VWF: variants seen among roughly 807,000 people sequenced by gnomAD.
VWF encodes the protein von Willebrand factor, also known as Factor VIII related antigen.
Under a neutral mutation model 308.6 loss-of-function variants are expected in VWF, and 176 were observed. The observed-to-expected ratio is 0.57, with a 90% CI of 0.50 to 0.65. VWF has a LOEUF of 0.65. Ranked by LOEUF, VWF falls within the 30% of genes least tolerant of loss-of-function variation. The probability of loss-of-function intolerance (pLI) is 0.00; values close to 1 mark genes in which losing one functional copy is unlikely to be tolerated. For missense variants in VWF, 3,146 were observed against 3,648.2 expected (o/e 0.86, Z 3.55); for synonymous variants, 1,385 against 1,443.4 (o/e 0.96, Z 0.92).
At chr12:6,079,671 A>G (rs897119581) in intron 6 of VWF, among the ~76,000 whole-genome samples, 2 of 151,996 alleles carry the variant, frequency 1.3e-5, no homozygotes, top group Admixed American at 6.5e-5. Flanking sequence ...GGCTCGTGGC[A>G]GAGACACTGG....
rs901997606 is a variant in VWF, at chr12:5,983,096, C to G, written c.7081+54G>C. 3.8e-6 allele frequency: 6 copies of G among 1,563,702 alleles called. No homozygotes were observed. The Admixed American group carries it at 1.1e-4, about 28-fold the overall frequency. ...GAGGTCCCTGAGGAGGATGGCCTCCCTCACACCAGCAGAGAGAGGCCACAC... is the reference window on the plus strand; with the variant it reads ...GAGGTCCCTGAGGAGGATGGCCTCCGTCACACCAGCAGAGAGAGGCCACAC... On this transcript the variant is annotated intron_variant, in intron 41 of 51. Coordinates refer to ENST00000261405, the MANE Select transcript of VWF (RefSeq NM_000552.5).
chr12:6,022,083 C>T (rs368076194), intron 26 of VWF, 48 bp from the exon 27 acceptor site: 320 of 1,612,904 alleles, frequency 2.0e-4, no homozygotes, highest in Non-Finnish European at 2.5e-4. Context: ...CCCTTTCCCA[C>T]GAGGAAGCCT....
chr12:6,052,780 A>G lies in VWF; in HGVS notation c.1949T>C (p.Leu650Pro). Reference protein sequence around the residue: ...VAWREPGRCELNCPKGQVYLQ... With the variant: ...VAWREPGRCEPNCPKGQVYLQ... The stretch of plus-strand genomic sequence containing the variant: ...GTACACCTGGCCTTTCGGGCAGTTC[A>G]GCTCTAGAAGAGAGAGGAGAAGTAA... Residue 650 changes from leucine (L) to proline (P), a missense_variant, in exon 16 of 52, where the codon CTG (leucine) becomes CCG (proline). Leu to Pro is a moderately conservative substitution (Grantham distance 98, BLOSUM62 -3). Around this residue, in one of 3 missense-constraint regions of VWF, gnomAD observed 1,304 missense variants for 1,353.0 expected, o/e 0.96. Coordinates refer to ENST00000261405, the MANE Select transcript of VWF (RefSeq NM_000552.5). The G allele has an allele frequency of 1.9e-6, 3 of 1,557,930 alleles. No homozygotes were observed. The highest frequency in any genetic ancestry group is 2.6e-6 in the Non-Finnish European group (3 of 1,158,776).
At chr12:6,122,982 AGG>A in intron 2 of VWF, 158 bp downstream of exon 2, 1 of 872,172 alleles carries the variant, frequency 1.1e-6, no homozygotes, top group Non-Finnish European at 2.0e-6. Context: ...ATACAAGTCA[AGG>A]GTGGGAACTC....
In VWF at chr12:5,990,904, AAAAAT is replaced by A. The variant is rs1413435307; in HGVS notation, c.6798+910_6798+914del. Among the ~76,000 whole-genome samples, 276 of 41,222 alleles carry A rather than the reference AAAAAT, an allele frequency of 6.7e-3. 32 individuals carry two copies. The highest frequency in any genetic ancestry group is 0.019 in the African/African-American group (261 of 13,962). The allele number at this position is 41,222 out of a possible 152,430, so 27.0% of individuals were successfully genotyped here. ...AAAAAAAAAAAAAAAAAAAAAAAAA[AAAAAT>A]TTTGATGACTCAGTGACTCCCAAGC... is the stretch of plus-strand genomic sequence containing the variant. On this transcript the variant is annotated intron_variant, in intron 38 of 51. Coordinates refer to ENST00000261405, the MANE Select transcript of VWF (RefSeq NM_000552.5).
chr12:6,113,152 T>G (rs930256391), intron 3 of VWF, among the ~76,000 whole-genome samples: 2 of 152,164 alleles, frequency 1.3e-5, no homozygotes, highest in African/African-American at 4.8e-5. Flanking sequence ...TTGTCCTGTT[T>G]GAGCTGAGGT....
rs200710351 is a variant in VWF, at chr12:6,121,268, G to C, written c.126C>G (p.Phe42Leu). The C allele has an allele frequency of 4.3e-6, 7 of 1,614,232 alleles. No individual in the cohort carries two copies. The African/African-American group carries it at 8.0e-5, about 18-fold the overall frequency. Reference sequence around the variant, plus strand: ...ACATGCTCCCATCAAAGGTGTTGACGAAGTCACTTCCGAAAAGGCTGCATC... The same window carrying C: ...ACATGCTCCCATCAAAGGTGTTGACCAAGTCACTTCCGAAAAGGCTGCATC... ...TARCSLFGSD[F>L]VNTFDGSMYS... Residue 42 changes from phenylalanine to leucine, a missense_variant, in exon 3 of 52, where the codon TTC (phenylalanine) becomes TTG (leucine). This residue lies in a region of VWF where 1,304 missense variants were observed against 1,353.0 expected (regional missense o/e 0.96). Transcript: ENST00000261405.
At chr12:5,972,219 C>T (rs1003652989) in intron 43 of VWF, among the ~76,000 whole-genome samples, 4 of 152,158 alleles carry the variant, frequency 2.6e-5, no homozygotes, top group African/African-American at 9.7e-5. Context: ...TTATAGGGTA[C>T]GGTGTTCTTT....
At chr12:5,998,187 T>A (rs1046123310) in intron 34 of VWF, among the ~76,000 whole-genome samples, 1 of 151,958 alleles carries the variant, frequency 6.6e-6, no homozygotes, top group African/African-American at 2.4e-5. Context: ...AAGTGGGCCC[T>A]AATACTTCAG....
At chr12:6,057,731 T>G in intron 14 of VWF, 118 bp downstream of exon 14, 1 of 1,264,114 alleles carries the variant, frequency 7.9e-7, no homozygotes, top group Non-Finnish European at 1.1e-6. Flanking sequence ...GCCCGACCCC[T>G]TTCCTCGCTC....
rs1340380540 is a variant in VWF, at chr12:6,063,190, G to A, written c.1433-136C>T. The A allele has an allele frequency of 8.0e-6, 6 of 749,968 alleles. No homozygotes were observed. Among genetic ancestry groups the A allele is most frequent in the Non-Finnish European group, 1.4e-5 (6 of 434,544 alleles). The allele number at this position is 749,968 out of a possible 1,614,324, so 46.5% of individuals were successfully genotyped here. A position where few individuals can be genotyped will look rare whatever the true frequency, so the allele number is the denominator to read the frequency against. ...GAGCAATGACTTAGGGGCAGATGGG[G>A]TGGCCATGAGGTTTAAGGGGGTGTC... On this transcript the variant is annotated intron_variant, in intron 12 of 51. Transcript: ENST00000261405. This position sits in a 1 kb window ranked among gnomAD's most constrained non-coding sequence, Gnocchi z 4.9.
intron 3 of VWF, among the ~76,000 whole-genome samples, chr12:6,116,571 G>T (rs1246133225): frequency 6.6e-6 from 1 of 152,186 alleles, no homozygotes; most frequent in Non-Finnish European, 1.5e-5. Flanking sequence ...GTTGTTGATG[G>T]CTCTCTCTTG....
chr12:6,032,972 TCACA>T (rs1346491329), intron 20 of VWF, among the ~76,000 whole-genome samples: 95 of 148,790 alleles, frequency 6.4e-4, no homozygotes, highest in Middle Eastern at 7.1e-3. Flanking sequence ...TCATACACAG[TCACA>T]CACACGCACA....
chr12:6,028,596 G>T (rs1050627622), intron 22 of VWF, among the ~76,000 whole-genome samples: 11 of 152,078 alleles, frequency 7.2e-5, no homozygotes, highest in Admixed American at 7.2e-4. Flanking sequence ...GAGAGGGGGG[G>T]ACCAATATTC....
chr12:6,103,943 T>C (rs1228272627), intron 5 of VWF, among the ~76,000 whole-genome samples: 1 of 152,154 alleles, frequency 6.6e-6, no homozygotes. Context: ...AAAAATCTTC[T>C]GCACAGCAAA....
chr12:6,048,062 C>T (rs1944466195), intron 16 of VWF, among the ~76,000 whole-genome samples: 1 of 152,226 alleles, frequency 6.6e-6, no homozygotes, highest in Non-Finnish European at 1.5e-5. Flanking sequence ...CCCCATGCCC[C>T]TCAGCTCTGC....
At chr12:6,018,333 C>A (rs773964043) in intron 28 of VWF, 32 bp downstream of exon 28, 20 of 1,597,750 alleles carry the variant, frequency 1.3e-5, no homozygotes, top group Non-Finnish European at 1.6e-5. Context: ...CCTCGCCCAG[C>A]CCTCCCACCT....
At chr12:5,953,415 C>G in intron 48 of VWF, 81 bp downstream of exon 48, 1 of 1,147,600 alleles carries the variant, frequency 8.7e-7, no homozygotes. Context: ...AAACTTAGCC[C>G]CTCTTCCTTG....
At position 6,094,657 on chromosome 12, in the gene VWF, G is replaced by C. The variant is rs1004449118; in HGVS notation, c.657+803C>G. On this transcript the variant is annotated intron_variant, in intron 6 of 51. Transcript: ENST00000261405. ...ATGAAGTCCTGAGGGCTCTGCCTTC[G>C]TGAATGGATTAGTGCTCTGATAAAA... Among the ~76,000 whole-genome samples the C allele has an allele frequency of 2.6e-5, 4 of 152,246 alleles. No individual in the cohort carries two copies. The South Asian group carries it at 6.2e-4, about 24-fold the overall frequency.
Sources: gnomAD v4.1 joint callset for allele counts (sites outside exome capture counted in the v4.1 genomes callset) on GRCh38, gnomAD v4.1.1 for gene constraint, gnomAD v4.1.1 regional missense constraint, Gnocchi (gnomAD v3.1) non-coding constraint, MANE v1.5 for transcripts, NCBI Gene and HGNC (gene_info 2026-07-23, HGNC 2026-07-21) for gene names.